The following CYB5B variants were observed in gnomAD, a reference collection of about 807,000 sequenced individuals.
The protein encoded by CYB5B is cytochrome b5 type B (outer mitochondrial membrane).
In CYB5B, 14 loss-of-function variants were observed where a neutral mutation model predicts 21.3. The ratio of observed to expected loss-of-function variants is 0.66; its 90% CI spans 0.43 to 1.03. The LOEUF (loss-of-function observed/expected upper bound fraction) is 1.03, where lower values mean the gene tolerates loss of function less well. Among genes scored for constraint, CYB5B ranks in the 50% least tolerant of loss-of-function variants. The pLI is 0.00. For synonymous variants in CYB5B, 69 were observed against 68.4 expected (o/e 1.01, Z -0.04); for missense variants, 166 against 185.1 (o/e 0.90, Z 0.60).
intron 1 of CYB5B, among the ~76,000 whole-genome samples, chr16:69,438,257 A>G (rs2014781281): frequency 6.6e-6 from 1 of 152,240 alleles, no homozygotes; most frequent in Non-Finnish European, 1.5e-5. Context: ...TTAAGGCTGA[A>G]TAATATTTTA....
At chr16:69,433,106 G>A (rs2014722865) in intron 1 of CYB5B, among the ~76,000 whole-genome samples, 2 of 152,026 alleles carry the variant, frequency 1.3e-5, no homozygotes, top group Non-Finnish European at 2.9e-5. Flanking sequence ...CCTGTGGCCT[G>A]TACTCTTAAC....
rs538723161 is a variant in CYB5B at position 69,448,012 on chromosome 16, A to G, written c.304-103A>G. 41 of 1,210,230 alleles carry G rather than the reference A, an allele frequency of 3.4e-5. No individual in the cohort carries two copies. The South Asian group carries it at 4.6e-4, about 14-fold the overall frequency. 75.0% of individuals were successfully genotyped at this position (1,210,230 alleles called of 1,614,324 possible). The stretch of plus-strand genomic sequence containing the variant: ...CCTCAAATCTCCCAGGGAATTCACT[A>G]TCACCAGAATATAGTCTCATGTTCC... On this transcript the variant is annotated intron_variant, in intron 2 of 4. Transcript: ENST00000307892.
At chr16:69,424,953 G>T in intron 1 of CYB5B, 96 bp downstream of exon 1, 2 of 1,284,214 alleles carry the variant, frequency 1.6e-6, no homozygotes, top group Non-Finnish European at 2.0e-6. Context: ...GGCTTGGCTG[G>T]GGGCGATAAG....
intron 3 of CYB5B, among the ~76,000 whole-genome samples, chr16:69,458,829 C>T (rs2015005363): frequency 6.6e-6 from 1 of 152,070 alleles, no homozygotes; most frequent in Non-Finnish European, 1.5e-5. Flanking sequence ...TTTTTAACAT[C>T]TAAAAAAGTT....
chr16:69,437,208 C>T (rs1244431368), intron 1 of CYB5B, among the ~76,000 whole-genome samples: 1 of 152,040 alleles, frequency 6.6e-6, no homozygotes, highest in Non-Finnish European at 1.5e-5. Flanking sequence ...ATTTCGGTTG[C>T]AGTATAGTTT....
At chr16:69,452,677 A>T (rs546308950) in intron 3 of CYB5B, among the ~76,000 whole-genome samples, 218 of 150,188 alleles carry the variant, frequency 1.5e-3, no homozygotes, top group Middle Eastern at 0.01. Flanking sequence ...CTCAAAAAAA[A>T]TTTTTTTTTT....
intron 4 of CYB5B, among the ~76,000 whole-genome samples, chr16:69,460,219 A>G (rs1462415941): frequency 2.0e-5 from 3 of 152,048 alleles, no homozygotes. Flanking sequence ...GGGCAACGAG[A>G]ACGAAACTCC....
chr16:69,441,115 C>A (rs1295384891), intron 1 of CYB5B, among the ~76,000 whole-genome samples: 1 of 151,658 alleles, frequency 6.6e-6, no homozygotes, highest in African/African-American at 2.4e-5. Context: ...ATTAATCAGT[C>A]CACAGATATT....
intron 1 of CYB5B, among the ~76,000 whole-genome samples, chr16:69,427,146 G>A (rs1597278080): frequency 2.0e-5 from 3 of 152,228 alleles, no homozygotes; most frequent in Admixed American, 6.5e-5. Flanking sequence ...TAAGGTAGGA[G>A]AATCGCTTAA....
At chr16:69,451,019 A>T (rs1433029320) in intron 3 of CYB5B, among the ~76,000 whole-genome samples, 1 of 152,190 alleles carries the variant, frequency 6.6e-6, no homozygotes, top group African/African-American at 2.4e-5. Context: ...CCATTGTTTT[A>T]TTGTTAGATG....
At position 69,462,417 on chromosome 16, in the gene CYB5B, C is replaced by G; in HGVS notation, c.363-13C>G. On this transcript the variant is annotated splice_polypyrimidine_tract_variant and intron_variant, in intron 4 of 4. Coordinates refer to ENST00000307892, the MANE Select transcript of CYB5B (RefSeq NM_030579.3). Reference sequence around the variant, plus strand: ...ATATTAACAACTTTATTGCTTTCTCCCCCTATTCCTAGTTGCTGGGCATAT... The same window carrying G: ...ATATTAACAACTTTATTGCTTTCTCGCCCTATTCCTAGTTGCTGGGCATAT... 1.3e-6 allele frequency: 2 copies of G among 1,597,146 alleles called. No individual in the cohort carries two copies. Among genetic ancestry groups the G allele is most frequent in the Non-Finnish European group, 1.7e-6 (2 of 1,164,642 alleles).
intron 2 of CYB5B, 92 bp downstream of exon 2, chr16:69,447,370 G>T: frequency 6.6e-7 from 1 of 1,512,124 alleles, no homozygotes; most frequent in Non-Finnish European, 8.9e-7. Context: ...GGCTGGGCGT[G>T]GTGGCTCACA....
At chr16:69,428,046 A>C (rs1348832782) in intron 1 of CYB5B, among the ~76,000 whole-genome samples, 1 of 150,674 alleles carries the variant, frequency 6.6e-6, no homozygotes, top group Non-Finnish European at 1.5e-5. Context: ...TGTGGTCTGG[A>C]ACTCCTGGGC....
At position 69,465,545 on chromosome 16, in the gene CYB5B, T is replaced by TG. The variant is rs1180543047; in HGVS notation, c.*3025_*3026insG. The TG allele has an allele frequency of 2.0e-5, 3 of 152,232 alleles. No homozygotes were observed. The highest frequency in any genetic ancestry group is 7.2e-5 in the African/African-American group (3 of 41,462). The allele number at this position is 152,232 out of a possible 1,614,324, so 9.4% of individuals were successfully genotyped here. On this transcript the variant is annotated 3_prime_UTR_variant, in exon 5 of 5. Coordinates refer to ENST00000307892, the MANE Select transcript of CYB5B (RefSeq NM_030579.3). Reference sequence around the variant, plus strand: ...CTATCGTTTGAGCCTGTAAAGTTGTTTTAGCAGTTGTCATAAATGCATATG... The same window carrying TG: ...CTATCGTTTGAGCCTGTAAAGTTGTTGTTAGCAGTTGTCATAAATGCATATG...
At chr16:69,434,530 T>C (rs953416054) in intron 1 of CYB5B, among the ~76,000 whole-genome samples, 8 of 152,238 alleles carry the variant, frequency 5.3e-5, no homozygotes, top group Non-Finnish European at 1.0e-4. Context: ...TCTTCATTGA[T>C]ACATTGTATT....
intron 1 of CYB5B, among the ~76,000 whole-genome samples, chr16:69,437,986 T>A (rs549681666): frequency 3.5e-4 from 54 of 152,362 alleles, no homozygotes; most frequent in East Asian, 1.9e-4. Context: ...TTCATGTTGC[T>A]GTGCAATCAT....
At chr16:69,438,368 A>T (rs1303090972) in intron 1 of CYB5B, among the ~76,000 whole-genome samples, 2 of 152,214 alleles carry the variant, frequency 1.3e-5, no homozygotes, top group Non-Finnish European at 2.9e-5. Context: ...TTGGTGTACA[A>T]GTATCTGTGT....
intron 1 of CYB5B, among the ~76,000 whole-genome samples, chr16:69,440,465 A>C (rs888175523): frequency 6.6e-6 from 1 of 152,200 alleles, no homozygotes; most frequent in Admixed American, 6.5e-5. Flanking sequence ...CCCCAGAGGT[A>C]CCCACTGTAT....
rs1475631568 is a variant in CYB5B, at chr16:69,464,670, T to C, written c.*2150T>C. On this transcript the variant is annotated 3_prime_UTR_variant, in exon 5 of 5. Coordinates refer to ENST00000307892, the MANE Select transcript of CYB5B (RefSeq NM_030579.3). ...TATAAGAAATGTTAAAGAACTACCA[T>C]CTTAAGTAAAATTGGTGTTTTTGTT... is the stretch of plus-strand genomic sequence containing the variant. 2 of 152,672 alleles carry C rather than the reference T, an allele frequency of 1.3e-5. No individual in the cohort carries two copies. The highest frequency in any genetic ancestry group is 4.8e-5 in the African/African-American group (2 of 41,472). The allele number at this position is 152,672 out of a possible 1,614,324, so 9.5% of individuals were successfully genotyped here.
Sources: gnomAD v4.1 joint callset for allele counts (sites outside exome capture counted in the v4.1 genomes callset) on GRCh38, gnomAD v4.1.1 for gene constraint, MANE v1.5 for transcripts, NCBI Gene and HGNC (gene_info 2026-07-23, HGNC 2026-07-21) for gene names.